ZNF717: variants seen among roughly 807,000 people sequenced by gnomAD.
ZNF717 encodes the protein zinc finger protein 717.
A neutral mutation model predicts 13.8 loss-of-function variants in ZNF717; 9 were observed. That is an observed-to-expected ratio of 0.65 (90% CI 0.39 to 1.14). The LOEUF is 1.14. Ranked by LOEUF, ZNF717 falls within the 50% of genes most tolerant of loss-of-function variation. The probability of loss-of-function intolerance (pLI) is 0.01; values close to 1 mark genes in which losing one functional copy is unlikely to be tolerated. For missense variants in ZNF717, 1,040 were observed against 1,080.7 expected, an observed-to-expected ratio of 0.96 and a Z score of 0.53; for synonymous variants, 327 against 364.1, an observed-to-expected ratio of 0.90 and a Z score of 1.16.
At chr3:75,750,179 G>A (rs1575825067) in intron 2 of ZNF717, among the ~76,000 whole-genome samples, 1 of 151,636 alleles carries the variant, frequency 6.6e-6, no homozygotes, top group East Asian at 1.9e-4. Flanking sequence ...CCCTCACATA[G>A]GATTGCAGAA....
chr3:75,739,963 T>C (rs965150620), intron 4 of ZNF717, among the ~76,000 whole-genome samples: 3 of 152,232 alleles, frequency 2.0e-5, no homozygotes, highest in Non-Finnish European at 4.4e-5. Flanking sequence ...AATTCCTACT[T>C]AAACATGACA....
chr3:75,735,389 G>A (rs1408582788), downstream of ZNF717, among the ~76,000 whole-genome samples: 24 of 152,126 alleles, frequency 1.6e-4, no homozygotes, highest in African/African-American at 5.5e-4. Context: ...AGTGGCTCTT[G>A]CCAAGGTAGA....
chr3:75,765,033 ATATG>A (rs1252998965), intron 2 of ZNF717, among the ~76,000 whole-genome samples: 3 of 59,068 alleles, frequency 5.1e-5, no homozygotes, highest in African/African-American at 2.9e-4. Flanking sequence ...ATATATATGT[ATATG>A]TGTGTGTGTG....
chr3:75,748,933 A>G (rs1408183087), intron 2 of ZNF717, among the ~76,000 whole-genome samples: 5 of 152,164 alleles, frequency 3.3e-5, no homozygotes, highest in Non-Finnish European at 7.4e-5. Context: ...TTGCCCTCAC[A>G]TAAGATTCCA....
At chr3:75,753,461 C>A (rs1352477979) in intron 2 of ZNF717, among the ~76,000 whole-genome samples, 1 of 149,022 alleles carries the variant, frequency 6.7e-6, no homozygotes, top group Non-Finnish European at 1.5e-5. Context: ...TTGTCCCTCA[C>A]ATAGGATTCC....
chr3:75,769,301 G>A (rs1444719679), intron 2 of ZNF717, among the ~76,000 whole-genome samples: 4 of 152,140 alleles, frequency 2.6e-5, no homozygotes, highest in African/African-American at 7.2e-5. Context: ...CTGGGAGGAA[G>A]TCTGTGCTGG....
intron 2 of ZNF717, among the ~76,000 whole-genome samples, chr3:75,744,750 C>T (rs73843049): frequency 5.2e-4 from 79 of 152,220 alleles, no homozygotes; most frequent in Non-Finnish European, 7.8e-4. Flanking sequence ...TTCAACCTTT[C>T]GGAAGGAAAA....
chr3:75,723,689 C>A (rs568374292), intron 4 of ZNF717, among the ~76,000 whole-genome samples: 1 of 152,210 alleles, frequency 6.6e-6, no homozygotes, highest in African/African-American at 2.4e-5. Context: ...GACACAGCCA[C>A]CAGAGGGCTC....
chr3:75,719,048 C>T (rs1455729235), intron 4 of ZNF717, among the ~76,000 whole-genome samples: 1 of 152,108 alleles, frequency 6.6e-6, no homozygotes, highest in Non-Finnish European at 1.5e-5. Flanking sequence ...AATCACAACA[C>T]ATTGGGAAGC....
chr3:75,722,237 A>G (rs1938182808), intron 4 of ZNF717, among the ~76,000 whole-genome samples: 1 of 152,004 alleles, frequency 6.6e-6, no homozygotes, highest in Admixed American at 6.6e-5. Context: ...TCCAGCCTGG[A>G]GACAGAGCAA....
chr3:75,724,824 A>G (rs1202654995), intron 4 of ZNF717, among the ~76,000 whole-genome samples: 2 of 52,252 alleles, frequency 3.8e-5, no homozygotes, highest in Non-Finnish European at 5.1e-5. Context: ...GACAAGTAAC[A>G]TATCTGTATT....
chr3:75,752,104 C>T (rs1326688493), intron 2 of ZNF717, among the ~76,000 whole-genome samples: 1 of 150,774 alleles, frequency 6.6e-6, no homozygotes, highest in East Asian at 2.0e-4. Context: ...CTCTAGAACA[C>T]TCCTACTGTG....
At chr3:75,765,029 A>G (rs1334973107) in intron 2 of ZNF717, among the ~76,000 whole-genome samples, 1,468 of 61,480 alleles carry the variant, frequency 0.024, 20 homozygotes, top group African/African-American at 0.076. Context: ...ATATATATAT[A>G]TGTATATGTG....
intron 5 of ZNF717, among the ~76,000 whole-genome samples, chr3:75,713,966 A>G (rs150118986): frequency 1.3e-5 from 2 of 152,010 alleles, no homozygotes; most frequent in African/African-American, 4.8e-5. Context: ...TGAGGTGGGG[A>G]GAGAGAGAGA....
intron 2 of ZNF717, among the ~76,000 whole-genome samples, chr3:75,763,947 G>A (rs1297398043): frequency 6.6e-6 from 1 of 152,166 alleles, no homozygotes; most frequent in Middle Eastern, 3.2e-3. Context: ...AGTCAGTAGG[G>A]TGAAAACAAG....
In ZNF717 at chr3:75,736,908, C is replaced by T. The variant is rs73843008; in HGVS notation, c.2715G>A (p.Val905=). The stretch of plus-strand genomic sequence containing the variant: ...GGAAAAAAGAGTGATTTTGAGGGAA[C>T]ACATAGCCTGCCTCAGCTACGTCAG... ...EKSDVAEAGY[V]FPQNHSFFP is the part of the protein sequence containing the mutation. The change falls in exon 5 of 5, where the codon GTG becomes GTA. Residue 905 remains valine (V), a synonymous_variant. Coordinates refer to ENST00000652011, the MANE Select transcript of ZNF717 (RefSeq NM_001290208.3). 1.3e-6 allele frequency: 2 copies of T among 1,554,666 alleles called. No individual in the cohort carries two copies. The highest frequency in any genetic ancestry group is 1.2e-5 in the South Asian group (1 of 84,316).
chr3:75,779,198 T>TA (rs1944607577), intron 2 of ZNF717, among the ~76,000 whole-genome samples: 2 of 82,026 alleles, frequency 2.4e-5, no homozygotes, highest in South Asian at 3.9e-4. Flanking sequence ...GTGCTAAAAC[T>TA]GGAACCCAAA....
At chr3:75,723,376 A>C (rs1483981729) in intron 4 of ZNF717, among the ~76,000 whole-genome samples, 1 of 149,466 alleles carries the variant, frequency 6.7e-6, no homozygotes, top group African/African-American at 2.5e-5. Flanking sequence ...CAGCCTCCCC[A>C]GTAATAGACT....
At chr3:75,783,863 CT>C (rs1291116402) in intron 1 of ZNF717, among the ~76,000 whole-genome samples, 1 of 152,094 alleles carries the variant, frequency 6.6e-6, no homozygotes, top group Non-Finnish European at 1.5e-5. Flanking sequence ...CCTACAATTA[CT>C]TTTTTTTAAA....
Sources: allele counts gnomAD v4.1 joint callset (sites outside exome capture counted in the v4.1 genomes callset), GRCh38; gene constraint gnomAD v4.1.1; transcripts MANE v1.5; gene names NCBI Gene and HGNC (gene_info 2026-07-23, HGNC 2026-07-21).